The following ALDH1A2 variants were observed in gnomAD, a reference collection of about 807,000 sequenced individuals.
The protein encoded by ALDH1A2 is retinal dehydrogenase 2.
ALDH1A2 carries 27 observed loss-of-function variants against 60.3 expected under a neutral mutation model. That is an observed-to-expected ratio of 0.45 (90% CI 0.33 to 0.62). ALDH1A2 has a LOEUF of 0.62. Among genes scored for constraint, ALDH1A2 ranks in the 20% least tolerant of loss-of-function variants. The pLI is 0.02. For synonymous variants in ALDH1A2, 289 were observed against 232.4 expected, an observed-to-expected ratio of 1.24 and a Z score of -2.21; for missense variants, 581 against 643.8, an observed-to-expected ratio of 0.90 and a Z score of 1.06.
At chr15:57,999,174 C>T (rs1365837100) in intron 4 of ALDH1A2, among the ~76,000 whole-genome samples, 3 of 151,958 alleles carry the variant, frequency 2.0e-5, no homozygotes, top group Admixed American at 1.3e-4. Context: ...CAAAAGCAAT[C>T]GCAACAAAAG....
At chr15:58,044,216 T>C (rs1220678748) in intron 1 of ALDH1A2, among the ~76,000 whole-genome samples, 1 of 151,996 alleles carries the variant, frequency 6.6e-6, no homozygotes, top group African/African-American at 2.4e-5. Flanking sequence ...GGTATACATG[T>C]GCCATGGTGG....
intron 10 of ALDH1A2, among the ~76,000 whole-genome samples, chr15:57,961,734 C>T (rs1270897843): frequency 1.3e-5 from 2 of 152,164 alleles, no homozygotes; most frequent in Non-Finnish European, 2.9e-5. Flanking sequence ...GAACTATTGC[C>T]AGTGTATTGT....
intron 7 of ALDH1A2, among the ~76,000 whole-genome samples, chr15:57,975,680 C>T (rs548919947): frequency 6.8e-4 from 103 of 152,142 alleles, no homozygotes; most frequent in African/African-American, 2.1e-3. Flanking sequence ...TTGATATGCA[C>T]GACATAGACA....
At chr15:57,989,566 T>C (rs1190828288) in intron 7 of ALDH1A2, among the ~76,000 whole-genome samples, 1 of 152,146 alleles carries the variant, frequency 6.6e-6, no homozygotes, top group African/African-American at 2.4e-5. Context: ...CAGAAAAAAT[T>C]ATGAGCTCTA....
intron 1 of ALDH1A2, among the ~76,000 whole-genome samples, chr15:58,022,716 A>G (rs1453780460): frequency 6.6e-6 from 1 of 152,184 alleles, no homozygotes; most frequent in Non-Finnish European, 1.5e-5. Context: ...TAACCACACT[A>G]TAACTTACCA....
At chr15:57,991,548 G>A (rs186127195) in intron 7 of ALDH1A2, 4 of 152,158 alleles carry the variant, frequency 2.6e-5, no homozygotes, top group Non-Finnish European at 4.4e-5. Flanking sequence ...ACGGTAGCAC[G>A]CATGGCAATG....
At chr15:58,042,781 G>C (rs1896550843) in intron 1 of ALDH1A2, among the ~76,000 whole-genome samples, 1 of 151,878 alleles carries the variant, frequency 6.6e-6, no homozygotes, top group Admixed American at 6.6e-5. Flanking sequence ...AGTGCCACTG[G>C]TATCCTGCTA....
intron 8 of ALDH1A2, chr15:57,964,879 A>T (rs1893842977): frequency 6.6e-6 from 1 of 152,228 alleles, no homozygotes; most frequent in Non-Finnish European, 1.5e-5. Context: ...GATTTTCTTG[A>T]CAACTAATAT....
At chr15:57,981,504 T>A (rs977579568) in intron 7 of ALDH1A2, among the ~76,000 whole-genome samples, 3 of 152,250 alleles carry the variant, frequency 2.0e-5, no homozygotes, top group South Asian at 2.1e-4. Context: ...ATTCTTACTA[T>A]ATGCCAAGCA....
Position 58,059,926 on chromosome 15 carries a change from CAT to C in ALDH1A2, c.117+5606_117+5607del, listed in dbSNP as rs1268656764. On this transcript the variant is annotated intron_variant, in intron 1 of 12. Transcript: ENST00000249750. ...ACCGGTTTTATAAAACTTTGTTGAT[CAT>C]ATAATTTTTTTGAGATGAAGTTTCA... Among the ~76,000 whole-genome samples, 823 of 152,150 alleles carry C rather than the reference CAT, an allele frequency of 5.4e-3. 12 individuals are homozygous for C. Among genetic ancestry groups the C allele is most frequent in the African/African-American group, 0.019 (785 of 41,500 alleles).
intron 7 of ALDH1A2, among the ~76,000 whole-genome samples, chr15:57,981,466 A>C (rs1311574753): frequency 6.6e-6 from 1 of 152,220 alleles, no homozygotes; most frequent in African/African-American, 2.4e-5. Context: ...TGCAAATGGA[A>C]GTTTCAGATT....
chr15:57,995,035 G>A (rs762265558), intron 5 of ALDH1A2, 43 bp downstream of exon 5: 37 of 1,543,132 alleles, frequency 2.4e-5, no homozygotes, highest in Non-Finnish European at 3.3e-5. Flanking sequence ...AAGAGAACTG[G>A]GTCAAATGAA....
intron 7 of ALDH1A2, among the ~76,000 whole-genome samples, chr15:57,986,571 C>CAAAAAAAAAAAAAAAAAAAAA (rs71116542): frequency 1.2e-5 from 1 of 82,076 alleles, no homozygotes. Flanking sequence ...ACAGAAAAGC[C>CAAAAAAAAAAAAAAAAAAAAA]AAAAAAAAAA....
At chr15:58,064,893 G>C (rs960622171) in intron 1 of ALDH1A2, among the ~76,000 whole-genome samples, 2 of 151,686 alleles carry the variant, frequency 1.3e-5, no homozygotes, top group African/African-American at 4.9e-5. Flanking sequence ...GTTCAAAACC[G>C]AACATGCTAA....
intron 4 of ALDH1A2, among the ~76,000 whole-genome samples, chr15:57,997,914 A>AT (rs2140497722): frequency 6.6e-6 from 1 of 152,120 alleles, no homozygotes; most frequent in East Asian, 1.9e-4. Flanking sequence ...AATAAACGCT[A>AT]TTTTTGTGCT....
chr15:58,010,198 C>A (rs1895585478), intron 4 of ALDH1A2, among the ~76,000 whole-genome samples: 1 of 152,066 alleles, frequency 6.6e-6, no homozygotes, highest in Non-Finnish European at 1.5e-5. Context: ...CACTGAAAAT[C>A]AGCCATAATC....
intron 1 of ALDH1A2, among the ~76,000 whole-genome samples, chr15:58,044,796 A>G (rs1158401587): frequency 2.6e-5 from 4 of 152,034 alleles, no homozygotes; most frequent in African/African-American, 7.2e-5. Context: ...AATCCTTATC[A>G]TAATTACTTC....
chr15:57,989,099 A>C (rs1161850846), intron 7 of ALDH1A2, among the ~76,000 whole-genome samples: 2 of 152,180 alleles, frequency 1.3e-5, no homozygotes, highest in African/African-American at 4.8e-5. Context: ...CAGGGAGCCG[A>C]GATCACGCCA....
chr15:58,003,572 T>C (rs1895347544), intron 4 of ALDH1A2, among the ~76,000 whole-genome samples: 1 of 151,904 alleles, frequency 6.6e-6, no homozygotes, highest in South Asian at 2.1e-4. Context: ...ATGGACATTT[T>C]TTTCTGCTTA....
Sources: gnomAD v4.1 joint callset for allele counts (sites outside exome capture counted in the v4.1 genomes callset) on GRCh38, gnomAD v4.1.1 for gene constraint, MANE v1.5 for transcripts, NCBI Gene and HGNC (gene_info 2026-07-23, HGNC 2026-07-21) for gene names.